Variants in KCNK10 observed in about 807,000 individuals in gnomAD.
The protein encoded by KCNK10 is potassium channel subfamily K member 10.
In KCNK10, 25 loss-of-function variants were observed where a neutral mutation model predicts 47.7. The ratio of observed to expected loss-of-function variants is 0.52; its 90% confidence interval spans 0.38 to 0.73. KCNK10 has a LOEUF of 0.73. Among genes scored for constraint, KCNK10 ranks in the 30% least tolerant of loss-of-function variants. The probability of loss-of-function intolerance (pLI) is 0.00; values close to 1 mark genes in which losing one functional copy is unlikely to be tolerated. For missense variants in KCNK10, 563 were observed against 714.5 expected (o/e 0.79, Z 2.42); for synonymous variants, 303 against 285.6 (o/e 1.06, Z -0.61).
intron 3 of KCNK10, among the ~76,000 whole-genome samples, chr14:88,239,791 G>C (rs1160700653): frequency 6.6e-6 from 1 of 151,892 alleles, no homozygotes; most frequent in Non-Finnish European, 1.5e-5. Context: ...CCCGTGAGGC[G>C]GAGGTTGCAG....
intron 4 of KCNK10, among the ~76,000 whole-genome samples, chr14:88,219,676 T>A (rs1462137902): frequency 6.6e-6 from 1 of 152,246 alleles, no homozygotes; most frequent in African/African-American, 2.4e-5. Flanking sequence ...ATTTTGTTCA[T>A]CACAGCAATG....
intron 3 of KCNK10, among the ~76,000 whole-genome samples, chr14:88,231,309 C>T (rs575718682): frequency 3.7e-5 from 5 of 134,056 alleles, no homozygotes; most frequent in South Asian, 2.5e-4. Context: ...AAAAAATAAA[C>T]ATCCAATCCA....
At chr14:88,310,188 C>CATATCATATGGTATATCATATACA (rs1888289406) in intron 1 of KCNK10, among the ~76,000 whole-genome samples, 4 of 122,572 alleles carry the variant, frequency 3.3e-5, no homozygotes, top group Admixed American at 7.7e-5. Context: ...TATGATATAC[C>CATATCATATGGTATATCATATACA]ATATCATATG....
At position 88,192,351 on chromosome 14, in the gene KCNK10, G is replaced by A. The variant is rs199739180; in HGVS notation, c.741C>T (p.Ala247=). The change falls in exon 5 of 7, where the codon GCC becomes GCT. Residue 247 remains alanine, a synonymous_variant. Transcript: ENST00000319231. Reference sequence around the variant, plus strand: ...GGATCGTCACAAACACAATGCAGCCGGCCAAGATGAACAGGATGGTTGAGA... The same window carrying A: ...GGATCGTCACAAACACAATGCAGCCAGCCAAGATGAACAGGATGGTTGAGA... ...RVISTILFIL[A]GCIVFVTIPA... 2.6e-4 allele frequency: 421 copies of A among 1,613,972 alleles called. No individual in the cohort carries two copies. Among genetic ancestry groups the A allele is most frequent in the Admixed American group, 3.0e-4 (18 of 59,996 alleles).
rs1181362502 is a variant in KCNK10, at chr14:88,322,446, C to T, written c.52+301G>A. Among the ~76,000 whole-genome samples, 1 of 151,944 alleles carries T rather than the reference C, an allele frequency of 6.6e-6. No homozygotes were observed. Among genetic ancestry groups the T allele is most frequent in the African/African-American group, 2.4e-5 (1 of 41,376 alleles). ...ACACACACACACACACACACTCGCA[C>T]ACTCAAAGTCAAAAGCAAATACCGA... On this transcript the variant is annotated intron_variant, in intron 1 of 6. Transcript: ENST00000319231. The surrounding 1 kb of genome is among the most constrained non-coding windows in gnomAD (Gnocchi z 4.8).
chr14:88,250,325 C>G (rs142560999), intron 2 of KCNK10, among the ~76,000 whole-genome samples: 1 of 152,170 alleles, frequency 6.6e-6, no homozygotes, highest in African/African-American at 2.4e-5. Context: ...TGATCTTGCA[C>G]ACATTGAAGC....
At chr14:88,242,839 C>A (rs1886520169) in intron 2 of KCNK10, among the ~76,000 whole-genome samples, 1 of 152,156 alleles carries the variant, frequency 6.6e-6, no homozygotes, top group South Asian at 2.1e-4. Flanking sequence ...CTCTGATGAG[C>A]CCACTTGGAA....
chr14:88,309,285 C>A (rs576981630), intron 1 of KCNK10, among the ~76,000 whole-genome samples: 1 of 152,276 alleles, frequency 6.6e-6, no homozygotes, highest in East Asian at 1.9e-4. Flanking sequence ...GATTCTTTTT[C>A]CCATAGGAGG....
chr14:88,250,219 C>T (rs1480279932), intron 2 of KCNK10, among the ~76,000 whole-genome samples: 1 of 152,154 alleles, frequency 6.6e-6, no homozygotes, highest in Non-Finnish European at 1.5e-5. Flanking sequence ...TTTAGATCTC[C>T]TTCACTAAAC....
At chr14:88,286,913 C>T (rs141350766) in intron 1 of KCNK10, among the ~76,000 whole-genome samples, 2 of 152,216 alleles carry the variant, frequency 1.3e-5, no homozygotes, top group Admixed American at 6.5e-5. Flanking sequence ...ACATGCCCTA[C>T]TCTTCCATCT....
rs1395019085 is a variant in KCNK10 at position 88,184,691 on chromosome 14, G to T, written c.*844C>A. On this transcript the variant is annotated 3_prime_UTR_variant, in exon 7 of 7. Coordinates refer to ENST00000319231, the MANE Select transcript of KCNK10 (RefSeq NM_138317.3). ...AAAACAAGTTATAACCAAAGTACAT[G>T]GACATTTCCAAATCAGTTTATTGTC... 6.6e-6 allele frequency: 1 copy of T among 152,278 alleles called. No homozygotes were observed. Among genetic ancestry groups the T allele is most frequent in the Non-Finnish European group, 1.5e-5 (1 of 68,038 alleles). 9.4% of individuals were successfully genotyped at this position (152,278 alleles called of 1,614,324 possible).
intron 1 of KCNK10, among the ~76,000 whole-genome samples, chr14:88,280,354 ACTT>A (rs1265196542): frequency 2.0e-5 from 3 of 151,962 alleles, no homozygotes; most frequent in South Asian, 2.1e-4. Context: ...CTCTGCAGAT[ACTT>A]CTTCTTCTGC....
chr14:88,209,359 G>C (rs745465925), intron 4 of KCNK10, among the ~76,000 whole-genome samples: 1 of 152,158 alleles, frequency 6.6e-6, no homozygotes, highest in Non-Finnish European at 1.5e-5. Context: ...TAGAATCTGC[G>C]TATGTGGTAA....
intron 1 of KCNK10, among the ~76,000 whole-genome samples, chr14:88,302,254 G>A (rs946772127): frequency 8.5e-5 from 13 of 152,128 alleles, no homozygotes; most frequent in Admixed American, 2.0e-4. Flanking sequence ...GGATATACTC[G>A]GCATATAGAT....
chr14:88,250,911 A>C (rs1301007321), intron 2 of KCNK10, among the ~76,000 whole-genome samples: 1 of 152,148 alleles, frequency 6.6e-6, no homozygotes, highest in African/African-American at 2.4e-5. Flanking sequence ...CCTTCTGTGA[A>C]AGTTCTAAAT....
chr14:88,244,264 A>G (rs897492331), intron 2 of KCNK10, among the ~76,000 whole-genome samples: 9 of 152,230 alleles, frequency 5.9e-5, no homozygotes, highest in Non-Finnish European at 1.3e-4. Context: ...AATAATAATA[A>G]TTCTAATTGA....
At chr14:88,234,310 A>T (rs1302712898) in intron 3 of KCNK10, among the ~76,000 whole-genome samples, 1 of 152,240 alleles carries the variant, frequency 6.6e-6, no homozygotes, top group Non-Finnish European at 1.5e-5. Flanking sequence ...ATATATTTGC[A>T]GATTTGCAAG....
chr14:88,320,533 G>A (rs1392478622), intron 1 of KCNK10, among the ~76,000 whole-genome samples: 2 of 152,130 alleles, frequency 1.3e-5, no homozygotes, highest in East Asian at 3.9e-4. Flanking sequence ...TGGATGGCTT[G>A]GGGACATGTC....
At chr14:88,256,359 G>A (rs1186683675) in intron 2 of KCNK10, among the ~76,000 whole-genome samples, 3 of 152,128 alleles carry the variant, frequency 2.0e-5, no homozygotes, top group South Asian at 2.1e-4. Context: ...CTTTGAGGCC[G>A]CCTGAGCCCA....
Sources: gnomAD v4.1 joint callset for allele counts (sites outside exome capture counted in the v4.1 genomes callset) on GRCh38, gnomAD v4.1.1 for gene constraint, Gnocchi (gnomAD v3.1) non-coding constraint, MANE v1.5 for transcripts, NCBI Gene and HGNC (gene_info 2026-07-23, HGNC 2026-07-21) for gene names.